Variants in KCNB2 observed in about 807,000 individuals in gnomAD.
The protein encoded by KCNB2 is delayed rectifier potassium channel protein.
KCNB2 carries 15 observed loss-of-function variants against 61.5 expected under a neutral mutation model. That is an observed-to-expected ratio of 0.24 (90% CI 0.16 to 0.38). KCNB2 has a LOEUF of 0.38. Ranked by LOEUF, KCNB2 falls within the 10% of genes least tolerant of loss-of-function variation. The pLI is 1.00. For missense variants in KCNB2, 828 were observed against 1,125.2 expected, an observed-to-expected ratio of 0.74 and a Z score of 3.78; for synonymous variants, 457 against 446.0, an observed-to-expected ratio of 1.02 and a Z score of -0.31.
At chr8:72,830,226 C>CT (rs1809669438) in intron 2 of KCNB2, among the ~76,000 whole-genome samples, 1 of 34,328 alleles carries the variant, frequency 2.9e-5, no homozygotes, top group East Asian at 9.2e-4. Context: ...TTCATATTTT[C>CT]CAAAAAAAAA....
Position 72,937,914 on chromosome 8 carries a change from T to C in KCNB2, c.2559T>C (p.Ser853=), listed in dbSNP as rs1490492796. 6.2e-7 allele frequency: 1 copy of C among 1,614,092 alleles called. No homozygotes were observed. Among genetic ancestry groups the C allele is most frequent in the African/African-American group, 1.3e-5 (1 of 75,028 alleles). The change falls in exon 3 of 3, where the codon TCT becomes TCC. Residue 853 remains serine, a synonymous_variant. Transcript: ENST00000523207. ...TAAGAGAAGAGGGCAGTGTGGGCTC[T>C]TCCTCCCCGCAGGACACAGGTCACA... The part of the protein sequence containing the change: ...DPLREEGSVG[S]SSPQDTGHNC...
chr8:72,627,740 T>C (rs1235388838), intron 2 of KCNB2, among the ~76,000 whole-genome samples: 1 of 152,222 alleles, frequency 6.6e-6, no homozygotes. Context: ...ACTTTCCTTC[T>C]GACTTCAGAT....
intron 2 of KCNB2, among the ~76,000 whole-genome samples, chr8:72,898,358 G>T (rs1186597424): frequency 1.3e-5 from 2 of 151,836 alleles, no homozygotes; most frequent in Admixed American, 6.6e-5. Context: ...TGAATTAATG[G>T]GTGCAGCACA....
intron 2 of KCNB2, among the ~76,000 whole-genome samples, chr8:72,868,387 G>A (rs1805565670): frequency 6.6e-6 from 1 of 151,734 alleles, no homozygotes; most frequent in Non-Finnish European, 1.5e-5. Context: ...AGACCATCCT[G>A]ACCAACATGG....
rs1554544463 is a variant in KCNB2 at position 72,920,473 on chromosome 8, C to CTATATATATATATA, written c.580-15460_580-15447dup. Among the ~76,000 whole-genome samples, 33 of 78,798 alleles carry CTATATATATATATA rather than the reference C, an allele frequency of 4.2e-4. 2 individuals carry two copies. Among genetic ancestry groups the CTATATATATATATA allele is most frequent in the African/African-American group, 1.4e-3 (31 of 22,180 alleles). 51.7% of individuals were successfully genotyped at this position (78,798 alleles called of 152,430 possible). On this transcript the variant is annotated intron_variant, in intron 2 of 2. Coordinates refer to ENST00000523207, the MANE Select transcript of KCNB2 (RefSeq NM_004770.3). Reference sequence around the variant, plus strand: ...TCTATCTATCTATCTATCTATCTATCTATATATATATATATTAGCTGGCCA... The same window carrying CTATATATATATATA: ...TCTATCTATCTATCTATCTATCTATCTATATATATATATATATATATATATATATTAGCTGGCCA...
intron 2 of KCNB2, among the ~76,000 whole-genome samples, chr8:72,910,852 A>T (rs1255926040): frequency 1.3e-5 from 2 of 152,194 alleles, no homozygotes; most frequent in Non-Finnish European, 2.9e-5. Flanking sequence ...TTGAAATTTG[A>T]GTTTGCCTCA....
intron 2 of KCNB2, among the ~76,000 whole-genome samples, chr8:72,850,187 G>A (rs1365862287): frequency 8.2e-6 from 1 of 122,030 alleles, no homozygotes; most frequent in Non-Finnish European, 1.7e-5. Flanking sequence ...GTGAGTGTAT[G>A]TAAGTGTGTG....
intron 2 of KCNB2, among the ~76,000 whole-genome samples, chr8:72,689,672 GT>G (rs1806910345): frequency 6.6e-6 from 1 of 152,194 alleles, no homozygotes; most frequent in South Asian, 2.1e-4. Context: ...TTGTGTTTGG[GT>G]TTTTCCCTTG....
chr8:72,882,556 A>AGAGAGAGAGAGAGAGAGAGAG (rs10691208), intron 2 of KCNB2, among the ~76,000 whole-genome samples: 118 of 142,724 alleles, frequency 8.3e-4, no homozygotes, highest in Non-Finnish European at 1.1e-3. Flanking sequence ...AGAGAGAGAG[A>AGAGAGAGAGAGAGAGAGAGAG]ATGTGTGTCT....
At chr8:72,901,248 A>T (rs1806088289) in intron 2 of KCNB2, among the ~76,000 whole-genome samples, 1 of 152,118 alleles carries the variant, frequency 6.6e-6, no homozygotes, top group African/African-American at 2.4e-5. Flanking sequence ...CAGTACAGTG[A>T]GGGGGAGGTG....
At chr8:72,747,855 G>C (rs1480120600) in intron 2 of KCNB2, among the ~76,000 whole-genome samples, 2 of 152,178 alleles carry the variant, frequency 1.3e-5, no homozygotes, top group African/African-American at 2.4e-5. Flanking sequence ...TTCAAACCTA[G>C]ATGATGCACT....
intron 2 of KCNB2, among the ~76,000 whole-genome samples, chr8:72,634,692 A>G (rs973965028): frequency 3.3e-5 from 5 of 152,212 alleles, no homozygotes; most frequent in African/African-American, 4.8e-5. Context: ...GAAGAATGCC[A>G]TTAGTTCTAA....
intron 2 of KCNB2, among the ~76,000 whole-genome samples, chr8:72,645,801 A>C (rs1806121578): frequency 6.6e-6 from 1 of 152,178 alleles, no homozygotes; most frequent in Non-Finnish European, 1.5e-5. Context: ...TACCTTTACC[A>C]ATTTTAGATA....
intron 2 of KCNB2, among the ~76,000 whole-genome samples, chr8:72,582,873 G>A (rs1210043337): frequency 1.3e-5 from 2 of 152,098 alleles, no homozygotes; most frequent in East Asian, 1.9e-4. Context: ...TGCCATGTAG[G>A]CTTCCCAAAA....
At chr8:72,753,445 C>G (rs1298641969) in intron 2 of KCNB2, among the ~76,000 whole-genome samples, 1 of 152,142 alleles carries the variant, frequency 6.6e-6, no homozygotes, top group Non-Finnish European at 1.5e-5. Context: ...GTTCAAGGAG[C>G]TTATAGTCTA....
chr8:72,583,948 CAAAAA>C (rs71566823), intron 2 of KCNB2, among the ~76,000 whole-genome samples: 1 of 100,846 alleles, frequency 9.9e-6, no homozygotes, highest in Non-Finnish European at 2.0e-5. Context: ...AATAGAATAT[CAAAAA>C]AAAAAAAAAA....
intron 2 of KCNB2, among the ~76,000 whole-genome samples, chr8:72,643,346 G>A (rs1023375107): frequency 2.0e-5 from 3 of 152,164 alleles, no homozygotes; most frequent in Non-Finnish European, 4.4e-5. Context: ...AATTTAAGGT[G>A]TGAAACTAAC....
chr8:72,806,261 G>A (rs1467428232), intron 2 of KCNB2, among the ~76,000 whole-genome samples: 2 of 151,776 alleles, frequency 1.3e-5, no homozygotes, highest in East Asian at 3.9e-4. Context: ...GGGAGGCTGA[G>A]GCAGGAGAAT....
At chr8:72,661,092 T>G (rs1042506590) in intron 2 of KCNB2, 1 of 152,414 alleles carries the variant, frequency 6.6e-6, no homozygotes, top group African/African-American at 2.4e-5. Context: ...CTCAGCTCAC[T>G]GCAACCTCCG....
Sources: gnomAD v4.1 joint callset for allele counts (sites outside exome capture counted in the v4.1 genomes callset) on GRCh38, gnomAD v4.1.1 for gene constraint, MANE v1.5 for transcripts, NCBI Gene and HGNC (gene_info 2026-07-23, HGNC 2026-07-21) for gene names.